TMEM132A: variants seen among roughly 807,000 people sequenced by gnomAD.
The protein encoded by TMEM132A is GRP78-binding protein.
A neutral mutation model predicts 69.9 loss-of-function variants in TMEM132A; 48 were observed. The observed-to-expected ratio is 0.69, with a 90% CI of 0.55 to 0.87. The LOEUF is 0.87. TMEM132A is among the 40% of genes least tolerant of loss of function. The pLI is 0.00. For synonymous variants in TMEM132A, 577 were observed against 613.7 expected (o/e 0.94, Z 0.88); for missense variants, 1,287 against 1,407.2 (o/e 0.91, Z 1.37).
chr11:60,931,533 C>T lies in TMEM132A; in HGVS notation c.1017-156C>T, dbSNP rs193175243. On this transcript the variant is annotated intron_variant, in intron 5 of 10. Coordinates refer to ENST00000453848, the MANE Select transcript of TMEM132A (RefSeq NM_178031.3). Reference sequence around the variant, plus strand: ...GATGCTTGGGTTTAGATCCCAGCCCCGCTACTTTTTGCTGTGTGGTCTTAA... The same window carrying T: ...GATGCTTGGGTTTAGATCCCAGCCCTGCTACTTTTTGCTGTGTGGTCTTAA... Among the ~76,000 whole-genome samples, 7 of 152,314 alleles carry T rather than the reference C, an allele frequency of 4.6e-5. No individual in the cohort carries two copies. The East Asian group carries it at 5.8e-4, about 13-fold the overall frequency.
chr11:60,932,207 A>T (rs930299692), intron 7 of TMEM132A, 80 bp downstream of exon 7: 47 of 1,445,564 alleles, frequency 3.3e-5, no homozygotes, highest in Non-Finnish European at 3.8e-5. Flanking sequence ...CTCCTTCCTC[A>T]TGTGGGTCCC....
Position 60,924,534 on chromosome 11 carries a change from A to T in TMEM132A, c.-100A>T. 1.2e-6 allele frequency: 1 copy of T among 869,310 alleles called. No individual in the cohort carries two copies. The highest frequency in any genetic ancestry group is 2.9e-5 in the South Asian group (1 of 34,338). The allele number at this position is 869,310 out of a possible 1,614,324, so 53.8% of individuals were successfully genotyped here. On this transcript the variant is annotated 5_prime_UTR_variant, in exon 1 of 11. Coordinates refer to ENST00000453848, the MANE Select transcript of TMEM132A (RefSeq NM_178031.3). ...GCGGCGGCGGCGGCGGCCGGGACCC[A>T]GCGGGCCAGGTGGGGACGGCGCGGA...
Position 60,928,612 on chromosome 11 carries a change from C to T in TMEM132A, c.535-17C>T, listed in dbSNP as rs777795284. ...GCACCCACCCCCATGCCAATTACTG[C>T]TGTCGTGTCTTCACAGCCATCCCTG... On this transcript the variant is annotated splice_polypyrimidine_tract_variant and intron_variant, in intron 3 of 10. Transcript: ENST00000453848. The T allele has an allele frequency of 3.1e-6, 5 of 1,603,470 alleles. No homozygotes were observed. The East Asian group carries it at 8.9e-5, about 29-fold the overall frequency.
intron 7 of TMEM132A, 164 bp downstream of exon 7, chr11:60,932,291 C>A: frequency 2.4e-6 from 2 of 820,746 alleles, no homozygotes; most frequent in Non-Finnish European, 1.8e-6. Flanking sequence ...TTGTTCCAGC[C>A]ACCTCTCTCC....
rs1192518612 is a variant in TMEM132A, at chr11:60,936,135, C to A, written c.2300C>A (p.Pro767His). ...TCTGGCACCGCCTGGCTGGGGCTGC[C>A]CCCTGCCTCCACTCCAGCCCCTGCT... Reference protein sequence around the residue: ...LASGTAWLGLPPASTPAPALP... With the variant: ...LASGTAWLGLHPASTPAPALP... Residue 767 changes from proline to histidine, a missense_variant, in exon 11 of 11, where the codon CCC (proline) becomes CAC (histidine). Coordinates refer to ENST00000453848, the MANE Select transcript of TMEM132A (RefSeq NM_178031.3). 6.2e-7 allele frequency: 1 copy of A among 1,613,694 alleles called. No individual in the cohort carries two copies. The highest frequency in any genetic ancestry group is 8.5e-7 in the Non-Finnish European group (1 of 1,179,862).
At chr11:60,927,071 G>C (rs1209588104) in intron 1 of TMEM132A, 133 bp from the exon 2 acceptor site, 1 of 764,730 alleles carries the variant, frequency 1.3e-6, no homozygotes, top group South Asian at 1.4e-5. Flanking sequence ...TGAAATGGTG[G>C]TGAGAGGGGA....
At position 60,927,685 on chromosome 11, in the gene TMEM132A, A is replaced by G. The variant is rs1225229310; in HGVS notation, c.360A>G (p.Pro120=). The stretch of plus-strand genomic sequence containing the variant: ...CTGAGCCCCACCAACGGCCAGTCCC[A>G]TGGGACGTGCGGGCCGTTTCAGTGG... ...RVTEPHQRPV[P]WDVRAVSVEA... The change falls in exon 3 of 11, where the codon CCA becomes CCG. Residue 120 remains proline (P), a synonymous_variant. Transcript: ENST00000453848. 6.2e-7 allele frequency: 1 copy of G among 1,613,452 alleles called. No homozygotes were observed. Among genetic ancestry groups the G allele is most frequent in the Non-Finnish European group, 8.5e-7 (1 of 1,179,994 alleles).
In TMEM132A at chr11:60,936,461, C is replaced by T. The variant is rs760593541; in HGVS notation, c.2626C>T (p.Gln876Ter). 2 of 1,614,160 alleles carry T rather than the reference C, an allele frequency of 1.2e-6. No individual in the cohort carries two copies. The highest frequency in any genetic ancestry group is 1.7e-5 in the Admixed American group (1 of 60,020). Residue 876 changes from glutamine (Q) to a stop codon, truncating the protein, a stop_gained, in exon 11 of 11, where the codon CAG (glutamine) becomes TAG (stop). Transcript: ENST00000453848. LOFTEE classifies it low-confidence loss of function (END_TRUNC). The part of the protein sequence containing the change: ...VNGVVFVLRY[Q>*]RKEPPDSATD... ...TGGTGTGGTCTTCGTCCTGCGCTAT[C>T]AGCGCAAAGAACCTCCCGACAGTGC...
Position 60,927,318 on chromosome 11 carries a change from C to A in TMEM132A, c.215C>A (p.Ser72Tyr). 2 of 1,613,496 alleles carry A rather than the reference C, an allele frequency of 1.2e-6. No homozygotes were observed. The highest frequency in any genetic ancestry group is 2.2e-5 in the South Asian group (2 of 91,076). The change falls in exon 2 of 11, where the codon TCC becomes TAC. Residue 72 changes from serine to tyrosine, a missense_variant. Transcript: ENST00000453848. ...QQVGHYPPAN[S>Y]SLSSRSETFL... Reference sequence around the variant, plus strand: ...GTGGGCCACTACCCACCTGCCAACTCCTCTCTGAGCTCCCGATCTGAGACC... The same window carrying A: ...GTGGGCCACTACCCACCTGCCAACTACTCTCTGAGCTCCCGATCTGAGACC...
At chr11:60,927,004 C>CT in intron 1 of TMEM132A, 200 bp from the exon 2 acceptor site, 1 of 625,344 alleles carries the variant, frequency 1.6e-6, no homozygotes, top group African/African-American at 1.8e-5. Flanking sequence ...GATTCGAATC[C>CT]TGGCTTTGCT....
intron 1 of TMEM132A, chr11:60,925,160 T>G: frequency 6.4e-6 from 1 of 156,842 alleles, no homozygotes. Context: ...GCAGCCCCTT[T>G]GCCTGGGACC....
chr11:60,932,027 A>G lies in TMEM132A; in HGVS notation c.1256A>G (p.Gln419Arg), dbSNP rs763336903. ...ACAGCACCACTGACTGGAGTGCCCCAGCATGTCCCCGTGCGCCTTGTCACT... is the reference window on the plus strand; with the variant it reads ...ACAGCACCACTGACTGGAGTGCCCCGGCATGTCCCCGTGCGCCTTGTCACT... ...VNTAPLTGVP[Q>R]HVPVRLVTVD... The change falls in exon 7 of 11, where the codon CAG (glutamine) becomes CGG (arginine). Residue 419 changes from glutamine (Q) to arginine (R), a missense_variant. By Grantham distance (43) the Gln-to-Arg change is conservative (BLOSUM62 1). Transcript: ENST00000453848. The G allele has an allele frequency of 1.1e-5, 17 of 1,600,226 alleles. No individual in the cohort carries two copies. In the Admixed American group the frequency reaches 2.8e-4, roughly 26 times the overall value.
rs1204635007 is a variant in TMEM132A at position 60,927,307 on chromosome 11, A to C, written c.204A>C (p.Pro68=). ...GTGTGCAGCAGGTGGGCCACTACCC[A>C]CCTGCCAACTCCTCTCTGAGCTCCC... ...HFRVQQVGHY[P]PANSSLSSRS... is the part of the protein sequence containing the mutation. The change falls in exon 2 of 11, where the codon CCA becomes CCC. Residue 68 remains proline, a synonymous_variant. Transcript: ENST00000453848. 1.9e-6 allele frequency: 3 copies of C among 1,613,032 alleles called. No homozygotes were observed. Among genetic ancestry groups the C allele is most frequent in the Non-Finnish European group, 2.5e-6 (3 of 1,179,900 alleles).
chr11:60,935,444 G>A lies in TMEM132A; in HGVS notation c.2028+1G>A, dbSNP rs757922632. 1 of 1,599,438 alleles carries A rather than the reference G, an allele frequency of 6.3e-7. No individual in the cohort carries two copies. Among genetic ancestry groups the A allele is most frequent in the East Asian group, 2.3e-5 (1 of 44,388 alleles). On this transcript the variant is annotated splice_donor_variant, in intron 10 of 10. Transcript: ENST00000453848. LOFTEE classifies it high-confidence loss of function. This position sits in a 1 kb window ranked among gnomAD's most constrained non-coding sequence, Gnocchi z 5.0. ...GTCAGCCCTTCCCGCCCCAAAGCAG[G>A]TGACAGTTGGGGGGTCAGGGGGATG...
Position 60,927,780 on chromosome 11 carries a change from C to T in TMEM132A, c.455C>T (p.Pro152Leu). Residue 152 changes from proline (P) to leucine (L), a missense_variant, in exon 3 of 11, where the codon CCA becomes CTA. By Grantham distance (98) the Pro-to-Leu change is moderately conservative. Transcript: ENST00000453848. ...CACCTCAAAGGGCAGGATTGGCCAC[C>T]AGGGTCTGGCAGCCTGCCCTGTGCC... Reference protein sequence around the residue: ...LFHLKGQDWPPGSGSLPCARL... With the variant: ...LFHLKGQDWPLGSGSLPCARL... 1 of 1,612,912 alleles carries T rather than the reference C, an allele frequency of 6.2e-7. No homozygotes were observed. The highest frequency in any genetic ancestry group is 8.5e-7 in the Non-Finnish European group (1 of 1,180,002).
rs540977711 is a variant in TMEM132A, at chr11:60,924,501, G to GGGCGGCGGC, written c.-117_-109dup. 6,067 of 485,002 alleles carry GGGCGGCGGC rather than the reference G, an allele frequency of 0.013. 313 individuals are homozygous for GGGCGGCGGC. Among genetic ancestry groups the GGGCGGCGGC allele is most frequent in the African/African-American group, 0.11 (5,433 of 47,752 alleles). 30.0% of individuals were successfully genotyped at this position (485,002 alleles called of 1,614,324 possible). ...TGTCTGGGAATTGCAGCCGCGGGGC[G>GGGCGGCGGC]GGCGGCGGCGGCGGCGGCGGCGGCC... On this transcript the variant is annotated 5_prime_UTR_variant, in exon 1 of 11. Coordinates refer to ENST00000453848, the MANE Select transcript of TMEM132A (RefSeq NM_178031.3).
chr11:60,932,646 A>T (rs538747428), intron 7 of TMEM132A: 3 of 152,396 alleles, frequency 2.0e-5, no homozygotes, highest in South Asian at 4.1e-4. Context: ...AATTATTATT[A>T]TTATTATTAC....
Position 60,934,630 on chromosome 11 carries a change from C to T in TMEM132A, c.1702C>T (p.Leu568=). The change falls in exon 9 of 11, where the codon CTG becomes TTG. Residue 568 remains leucine, a synonymous_variant. Transcript: ENST00000453848. ...PLDGGRRLTH[L]LGPDWLLDVS... is the part of the protein sequence containing the mutation. ...GGACGGCGGCCGCCGCCTCACGCACCTGCTTGGCCCCGACTGGCTGCTAGA... is the reference window on the plus strand; with the variant it reads ...GGACGGCGGCCGCCGCCTCACGCACTTGCTTGGCCCCGACTGGCTGCTAGA... 1.3e-6 allele frequency: 2 copies of T among 1,591,294 alleles called. No homozygotes were observed. Among genetic ancestry groups the T allele is most frequent in the South Asian group, 1.1e-5 (1 of 89,650 alleles).
chr11:60,932,435 T>A (rs867476855), intron 7 of TMEM132A: 7 of 260,534 alleles, frequency 2.7e-5, no homozygotes, highest in African/African-American at 1.1e-4. Flanking sequence ...AAACACATCT[T>A]TGTTGTCAAC....
Sources: allele counts gnomAD v4.1 joint callset (sites outside exome capture counted in the v4.1 genomes callset), GRCh38; gene constraint gnomAD v4.1.1; non-coding constraint Gnocchi (gnomAD v3.1); transcripts MANE v1.5; gene names NCBI Gene and HGNC (gene_info 2026-07-23, HGNC 2026-07-21).